Variants in CCDC83 observed in about 807,000 individuals in gnomAD.
CCDC83 encodes the protein coiled-coil domain-containing protein 83.
CCDC83 carries 54 observed loss-of-function variants against 50.1 expected under a neutral mutation model. The ratio of observed to expected loss-of-function variants is 1.08; its 90% confidence interval spans 0.87 to 1.35. The LOEUF is 1.35. Ranked by LOEUF, CCDC83 falls within the 40% of genes most tolerant of loss-of-function variation. The probability of loss-of-function intolerance (pLI) is 0.00; values close to 1 mark genes in which losing one functional copy is unlikely to be tolerated. For synonymous variants in CCDC83, 161 were observed against 153.3 expected (o/e 1.05, Z -0.37); for missense variants, 518 against 473.9 (o/e 1.09, Z -0.86).
chr11:85,913,035 C>T (rs1298688179), intron 8 of CCDC83, among the ~76,000 whole-genome samples: 1 of 152,172 alleles, frequency 6.6e-6, no homozygotes, highest in Non-Finnish European at 1.5e-5. Context: ...TATAATCTAA[C>T]GTCATCCTCG....
intron 5 of CCDC83, among the ~76,000 whole-genome samples, chr11:85,890,585 C>T (rs1448122502): frequency 3.9e-5 from 6 of 152,168 alleles, no homozygotes; most frequent in Non-Finnish European, 7.4e-5. Context: ...AAAGAACCTA[C>T]TAAAACACTC....
chr11:85,902,036 A>G (rs940310358), intron 7 of CCDC83, among the ~76,000 whole-genome samples: 4 of 152,114 alleles, frequency 2.6e-5, no homozygotes, highest in Non-Finnish European at 4.4e-5. Flanking sequence ...GAAAGAAAAA[A>G]GAAAGAAAAA....
intron 2 of CCDC83, among the ~76,000 whole-genome samples, chr11:85,867,068 T>C (rs775836787): frequency 6.6e-6 from 1 of 152,162 alleles, no homozygotes; most frequent in Non-Finnish European, 1.5e-5. Context: ...GAGTTGTTGT[T>C]GTTTAAAGAC....
chr11:85,861,213 G>A (rs2093174312), intron 1 of CCDC83, among the ~76,000 whole-genome samples: 1 of 152,250 alleles, frequency 6.6e-6, no homozygotes, highest in South Asian at 2.1e-4. Flanking sequence ...TTTTGAATAT[G>A]TATTTCAGCT....
At chr11:85,888,879 A>G (rs1349853583) in intron 5 of CCDC83, among the ~76,000 whole-genome samples, 1 of 152,126 alleles carries the variant, frequency 6.6e-6, no homozygotes, top group East Asian at 1.9e-4. Flanking sequence ...ATTCTCTACT[A>G]TCTATTCTGA....
At chr11:85,904,245 T>A (rs1397043563) in intron 7 of CCDC83, among the ~76,000 whole-genome samples, 9 of 152,294 alleles carry the variant, frequency 5.9e-5, no homozygotes, top group African/African-American at 2.2e-4. Flanking sequence ...GCCACAACAG[T>A]TTCCTCTATT....
intron 3 of CCDC83, among the ~76,000 whole-genome samples, chr11:85,876,431 A>T (rs1182029996): frequency 6.6e-6 from 1 of 152,154 alleles, no homozygotes; most frequent in Non-Finnish European, 1.5e-5. Context: ...GGTTATGTGG[A>T]ATCTTATCAC....
intron 5 of CCDC83, among the ~76,000 whole-genome samples, chr11:85,894,882 T>C (rs975496021): frequency 6.6e-6 from 1 of 152,224 alleles, no homozygotes; most frequent in Non-Finnish European, 1.5e-5. Context: ...TCTAAGCATC[T>C]TTCAAGGCCT....
intron 7 of CCDC83, among the ~76,000 whole-genome samples, chr11:85,910,371 C>T (rs1271557122): frequency 5.3e-5 from 8 of 152,180 alleles, no homozygotes; most frequent in Non-Finnish European, 1.0e-4. Context: ...TATGATACAA[C>T]TGAATGAATG....
At position 85,901,573 on chromosome 11, in the gene CCDC83, A is replaced by AAAAATAAAAT. The variant is rs60832149; in HGVS notation, c.672+2575_672+2584dup. ...GGGCAACAGATTGAGACTCTGTCTC[A>AAAAATAAAAT]AAAATAAAATAAAATAAAATAAAAT... is the stretch of plus-strand genomic sequence containing the variant. On this transcript the variant is annotated intron_variant, in intron 7 of 10. Transcript: ENST00000342404. Among the ~76,000 whole-genome samples, 743 of 143,660 alleles carry AAAAATAAAAT rather than the reference A, an allele frequency of 5.2e-3. 5 individuals carry two copies. The highest frequency in any genetic ancestry group is 0.025 in the Middle Eastern group (7 of 280). The allele number at this position is 143,660 out of a possible 152,430, so 94.2% of individuals were successfully genotyped here.
intron 7 of CCDC83, among the ~76,000 whole-genome samples, chr11:85,908,836 C>G (rs1211415584): frequency 1.3e-5 from 2 of 152,090 alleles, no homozygotes; most frequent in African/African-American, 4.8e-5. Context: ...TCACCTGAGC[C>G]TCAGGAGGTT....
intron 5 of CCDC83, among the ~76,000 whole-genome samples, chr11:85,887,688 A>G (rs1017136315): frequency 6.6e-6 from 1 of 151,536 alleles, no homozygotes; most frequent in Non-Finnish European, 1.5e-5. Flanking sequence ...CACAAATAGC[A>G]TGCTATAAAT....
At chr11:85,919,130 T>C (rs2093496666) in intron 10 of CCDC83, among the ~76,000 whole-genome samples, 3 of 152,262 alleles carry the variant, frequency 2.0e-5, no homozygotes, top group African/African-American at 7.2e-5. Context: ...AGATCTTGCC[T>C]ACTGTGTATG....
At chr11:85,880,784 C>T (rs1361917955) in intron 3 of CCDC83, among the ~76,000 whole-genome samples, 3 of 151,958 alleles carry the variant, frequency 2.0e-5, no homozygotes, top group Non-Finnish European at 4.4e-5. Context: ...GTTCGAGTAC[C>T]CCTTAACTGA....
At chr11:85,916,974 G>T (rs1006131373) in intron 10 of CCDC83, among the ~76,000 whole-genome samples, 1 of 151,718 alleles carries the variant, frequency 6.6e-6, no homozygotes, top group Non-Finnish European at 1.5e-5. Context: ...AGCTGGGCAT[G>T]GTGGTGCGTG....
intron 5 of CCDC83, among the ~76,000 whole-genome samples, chr11:85,890,373 C>G (rs1262923976): frequency 6.6e-6 from 1 of 152,126 alleles, no homozygotes; most frequent in Non-Finnish European, 1.5e-5. Context: ...TGAAATCTTG[C>G]TGGAGACAGC....
At chr11:85,918,600 G>C (rs1286678480) in intron 10 of CCDC83, among the ~76,000 whole-genome samples, 1 of 152,158 alleles carries the variant, frequency 6.6e-6, no homozygotes, top group Non-Finnish European at 1.5e-5. Flanking sequence ...AAAGCTATCT[G>C]AGACAGGTCT....
intron 2 of CCDC83, among the ~76,000 whole-genome samples, chr11:85,872,893 C>T (rs2093247240): frequency 6.6e-6 from 1 of 152,028 alleles, no homozygotes; most frequent in African/African-American, 2.4e-5. Context: ...TTCTAGAAAG[C>T]ATGTTTTCTG....
intron 4 of CCDC83, among the ~76,000 whole-genome samples, chr11:85,884,545 G>C (rs1474269900): frequency 6.6e-6 from 1 of 152,156 alleles, no homozygotes; most frequent in Non-Finnish European, 1.5e-5. Context: ...AGTCAAACTA[G>C]CCTAAGCATA....
Sources: gnomAD v4.1 joint callset for allele counts (sites outside exome capture counted in the v4.1 genomes callset) on GRCh38, gnomAD v4.1.1 for gene constraint, MANE v1.5 for transcripts, NCBI Gene and HGNC (gene_info 2026-07-23, HGNC 2026-07-21) for gene names.